Variants in VAV3 observed in about 807,000 individuals in gnomAD.
The protein encoded by VAV3 is guanine nucleotide exchange factor VAV3.
In VAV3, 94 loss-of-function variants were observed where a neutral mutation model predicts 131.2. The observed-to-expected ratio is 0.72, with a 90% CI of 0.61 to 0.85. The LOEUF is 0.85. Ranked by LOEUF, VAV3 falls within the 40% of genes least tolerant of loss-of-function variation. VAV3 has a pLI of 0.00. For synonymous variants in VAV3, 349 were observed against 342.0 expected (o/e 1.02, Z -0.22); for missense variants, 939 against 1,002.7 (o/e 0.94, Z 0.86).
At chr1:107,870,411 G>A (rs1323978393) in intron 2 of VAV3, among the ~76,000 whole-genome samples, 1 of 152,074 alleles carries the variant, frequency 6.6e-6, no homozygotes, top group South Asian at 2.1e-4. Context: ...TTTTTCATAT[G>A]TTTGTTGGCC....
intron 2 of VAV3, among the ~76,000 whole-genome samples, chr1:107,848,544 C>G (rs1669078487): frequency 6.6e-6 from 1 of 151,986 alleles, no homozygotes; most frequent in African/African-American, 2.4e-5. Flanking sequence ...CAAAAACTCT[C>G]AATAAAGTAG....
At position 107,692,079 on chromosome 1, in the gene VAV3, G is replaced by A. The variant is rs72977615; in HGVS notation, c.1706-3673C>T. ...CCAGTAAGACTGCCTATCTCAACAG[G>A]GGCCACAGAAAAGTAATTACCAGTA... is the stretch of plus-strand genomic sequence containing the variant. On this transcript the variant is annotated intron_variant, in intron 17 of 26. Coordinates refer to ENST00000370056, the MANE Select transcript of VAV3 (RefSeq NM_006113.5). Among the ~76,000 whole-genome samples the A allele has an allele frequency of 3.2e-3, 481 of 152,048 alleles. 1 individual carries two copies. The highest frequency in any genetic ancestry group is 0.011 in the African/African-American group (452 of 41,454).
At chr1:107,895,947 C>T (rs1671549778) in intron 1 of VAV3, among the ~76,000 whole-genome samples, 1 of 152,154 alleles carries the variant, frequency 6.6e-6, no homozygotes, top group Admixed American at 6.5e-5. Context: ...ACTGCTGCTA[C>T]ACAGAAAGTG....
intron 15 of VAV3, among the ~76,000 whole-genome samples, chr1:107,724,472 T>C (rs4276945): frequency 0.48 from 72,643 of 152,014 alleles, 18,058 homozygotes; most frequent in Non-Finnish European, 0.55. Flanking sequence ...AGCATTGTAC[T>C]GGGACAAAAA....
At chr1:107,581,944 C>T (rs1650083544) in intron 25 of VAV3, among the ~76,000 whole-genome samples, 1 of 152,118 alleles carries the variant, frequency 6.6e-6, no homozygotes, top group Admixed American at 6.5e-5. Flanking sequence ...AGAACATTAC[C>T]CTAAGTTGCT....
chr1:107,574,963 C>CTCTGTGTGTG lies in VAV3; in HGVS notation c.2351-766_2351-765insCACACACAGA, dbSNP rs1304869776. 2.5e-5 allele frequency among the ~76,000 whole-genome samples: 2 copies of CTCTGTGTGTG among 81,114 alleles called. 1 individual carries two copies. Among genetic ancestry groups the CTCTGTGTGTG allele is most frequent in the Non-Finnish European group, 4.9e-5 (2 of 40,666 alleles). 53.2% of individuals were successfully genotyped at this position (81,114 alleles called of 152,430 possible). A position where few individuals can be genotyped will look rare whatever the true frequency, so the allele number is the denominator to read the frequency against. On this transcript the variant is annotated intron_variant, in intron 25 of 26. Transcript: ENST00000370056. ...ATCCTGTGTTCAGAGTTGAGTTTCT[C>CTCTGTGTGTG]TGTGTGTGTGTGTGTGTGTGTGTGT...
At chr1:107,598,787 TGAGGTCTCTGGAATA>T (rs925887027) in intron 24 of VAV3, among the ~76,000 whole-genome samples, 53 of 126,296 alleles carry the variant, frequency 4.2e-4, no homozygotes, top group Non-Finnish European at 1.0e-4. Context: ...CAAAATTTTG[TGAGGTCTCTGGAATA>T]CACACACACA....
chr1:107,721,281 C>G (rs1246904909), intron 15 of VAV3, among the ~76,000 whole-genome samples: 1 of 152,142 alleles, frequency 6.6e-6, no homozygotes, highest in East Asian at 1.9e-4. Context: ...GAAGACTCAT[C>G]CAAAGATATT....
At position 107,895,725 on chromosome 1, in the gene VAV3, G is replaced by A. The variant is rs371151671; in HGVS notation, c.205-20708C>T. On this transcript the variant is annotated intron_variant, in intron 1 of 26. Coordinates refer to ENST00000370056, the MANE Select transcript of VAV3 (RefSeq NM_006113.5). ...TAAAAGACTTACAATAAATAATAGA[G>A]TAGCATTTTTATTAAATAGTAATCC... 4.1e-4 allele frequency among the ~76,000 whole-genome samples: 63 copies of A among 152,256 alleles called. No individual in the cohort carries two copies. In the East Asian group the frequency reaches 0.011, roughly 26 times the overall value.
intron 15 of VAV3, among the ~76,000 whole-genome samples, chr1:107,733,893 C>T (rs1278557794): frequency 6.6e-6 from 1 of 151,970 alleles, no homozygotes; most frequent in African/African-American, 2.4e-5. Context: ...ACAGAGAACA[C>T]CAAGAACACC....
chr1:107,784,537 C>T lies in VAV3; in HGVS notation c.322-5045G>A, dbSNP rs574085562. ...AAAGGCATGATATTCAATATATTTGCATAAATATTGCTTCAATATGAAAAA... is the reference window on the plus strand; with the variant it reads ...AAAGGCATGATATTCAATATATTTGTATAAATATTGCTTCAATATGAAAAA... On this transcript the variant is annotated intron_variant, in intron 2 of 26. Coordinates refer to ENST00000370056, the MANE Select transcript of VAV3 (RefSeq NM_006113.5). Among the ~76,000 whole-genome samples, 24 of 152,246 alleles carry T rather than the reference C, an allele frequency of 1.6e-4. No homozygotes were observed. The South Asian group carries it at 3.5e-3, about 22-fold the overall frequency.
At chr1:107,849,505 T>C (rs897553148) in intron 2 of VAV3, among the ~76,000 whole-genome samples, 2 of 151,934 alleles carry the variant, frequency 1.3e-5, no homozygotes, top group Non-Finnish European at 2.9e-5. Flanking sequence ...ATAAATGGTG[T>C]TGGGAAAACT....
chr1:107,959,709 A>G (rs1674989461), intron 1 of VAV3, among the ~76,000 whole-genome samples: 1 of 152,064 alleles, frequency 6.6e-6, no homozygotes, highest in African/African-American at 2.4e-5. Flanking sequence ...ACCCAGTCTC[A>G]TGATTTTAAA....
chr1:107,735,026 T>G (rs944747344), intron 15 of VAV3, among the ~76,000 whole-genome samples: 5 of 152,178 alleles, frequency 3.3e-5, no homozygotes, highest in African/African-American at 1.2e-4. Context: ...TACAGTGTGA[T>G]CAAAGTGGAA....
At chr1:107,893,775 CAA>C (rs1185457831) in intron 1 of VAV3, among the ~76,000 whole-genome samples, 7 of 152,104 alleles carry the variant, frequency 4.6e-5, no homozygotes, top group African/African-American at 1.4e-4. Flanking sequence ...TTCTTCTGAC[CAA>C]AGTTATAAGA....
chr1:107,588,242 T>C (rs1394451438), intron 25 of VAV3, among the ~76,000 whole-genome samples: 1 of 152,160 alleles, frequency 6.6e-6, no homozygotes, highest in Admixed American at 6.5e-5. Context: ...TCAAGAACTG[T>C]AAATTATGTG....
intron 2 of VAV3, among the ~76,000 whole-genome samples, chr1:107,864,986 C>A (rs1476968017): frequency 6.6e-6 from 1 of 152,090 alleles, no homozygotes; most frequent in African/African-American, 2.4e-5. Flanking sequence ...TGAGCCTTAC[C>A]CCCTGCCCCA....
intron 20 of VAV3, among the ~76,000 whole-genome samples, chr1:107,637,756 T>C (rs1229859747): frequency 6.6e-6 from 1 of 152,172 alleles, no homozygotes; most frequent in African/African-American, 2.4e-5. Flanking sequence ...AAATCTCTTT[T>C]AGAAAGTTGA....
intron 1 of VAV3, among the ~76,000 whole-genome samples, chr1:107,882,157 C>A (rs547642472): frequency 1.2e-3 from 186 of 152,048 alleles, no homozygotes; most frequent in Non-Finnish European, 2.2e-3. Context: ...TTATTTCAGT[C>A]CCAAATGAGA....
Sources: allele counts gnomAD v4.1 joint callset (sites outside exome capture counted in the v4.1 genomes callset), GRCh38; gene constraint gnomAD v4.1.1; transcripts MANE v1.5; gene names NCBI Gene and HGNC (gene_info 2026-07-23, HGNC 2026-07-21).